Variants in ROBO1 observed in about 807,000 individuals in gnomAD.
The protein encoded by ROBO1 is roundabout homolog 1.
ROBO1 carries 149 observed loss-of-function variants against 195.9 expected under a neutral mutation model. The ratio of observed to expected loss-of-function variants is 0.76; its 90% confidence interval spans 0.67 to 0.87. The LOEUF (loss-of-function observed/expected upper bound fraction) is 0.87. Among genes scored for constraint, ROBO1 ranks in the 40% least tolerant of loss-of-function variants. ROBO1 has a pLI of 0.00. For missense variants in ROBO1, 1,933 were observed against 2,068.3 expected (o/e 0.93, Z 1.27); for synonymous variants, 816 against 733.2 (o/e 1.11, Z -1.82).
chr3:78,723,240 G>T (rs1242375635), intron 5 of ROBO1, among the ~76,000 whole-genome samples: 1 of 152,086 alleles, frequency 6.6e-6, no homozygotes, highest in Non-Finnish European at 1.5e-5. Context: ...CGTTGTGTTA[G>T]AATTGCCTAC....
intron 16 of ROBO1, 69 bp from the exon 17 acceptor site, chr3:78,659,876 T>C: frequency 8.2e-7 from 1 of 1,221,824 alleles, no homozygotes; most frequent in African/African-American, 1.6e-5. Flanking sequence ...GTAATTAATA[T>C]CAAACCCAAT....
chr3:79,710,040 A>G (rs1427172373), intron 1 of ROBO1, among the ~76,000 whole-genome samples: 1 of 152,140 alleles, frequency 6.6e-6, no homozygotes, highest in African/African-American at 2.4e-5. Context: ...TAGCACTCTG[A>G]ATGAAGAAAG....
intron 2 of ROBO1, among the ~76,000 whole-genome samples, chr3:79,357,826 G>A (rs891916038): frequency 3.9e-5 from 6 of 152,038 alleles, no homozygotes; most frequent in Non-Finnish European, 7.4e-5. Context: ...AGGTATTTCC[G>A]TACATATAAA....
intron 4 of ROBO1, among the ~76,000 whole-genome samples, chr3:78,806,278 C>G (rs1255631445): frequency 6.6e-6 from 1 of 152,094 alleles, no homozygotes; most frequent in African/African-American, 2.4e-5. Context: ...CTGGTCTGCT[C>G]TCTCTAATTT....
chr3:78,637,984 T>C (rs28398902), intron 22 of ROBO1, among the ~76,000 whole-genome samples: 3 of 134,378 alleles, frequency 2.2e-5, no homozygotes, highest in African/African-American at 9.1e-5. Flanking sequence ...GGTTTTTTTT[T>C]GGGGGGGGGA....
intron 4 of ROBO1, among the ~76,000 whole-genome samples, chr3:78,907,106 G>A (rs1363640972): frequency 6.6e-6 from 1 of 151,814 alleles, no homozygotes. Flanking sequence ...CTCAACATGT[G>A]GTAGATTTTT....
At position 78,635,965 on chromosome 3, in the gene ROBO1, C is replaced by G. The variant is rs890748704; in HGVS notation, c.3181G>C (p.Gly1061Arg). The part of the protein sequence containing the change: ...KTFNSPNLKD[G>R]RFVNPSGQPT... ...TGCCCTGATGGATTGACAAAACGCC[C>G]ATCCTTCAGATTTGGGCTATTGAAG... Residue 1061 changes from glycine to arginine, a missense_variant, in exon 23 of 31, where the codon GGG (glycine) becomes CGG (arginine). Around this residue, in one of 3 missense-constraint regions of ROBO1, gnomAD observed 1,737 missense variants for 1,882.5 expected, o/e 0.92. Transcript: ENST00000464233. 3.1e-6 allele frequency: 5 copies of G among 1,613,872 alleles called. No individual in the cohort carries two copies. Among genetic ancestry groups the G allele is most frequent in the Non-Finnish European group, 4.2e-6 (5 of 1,179,838 alleles).
intron 2 of ROBO1, among the ~76,000 whole-genome samples, chr3:79,135,631 T>C (rs914901604): frequency 1.3e-5 from 2 of 152,000 alleles, no homozygotes; most frequent in African/African-American, 2.4e-5. Context: ...TTAGCAATCA[T>C]TCAATCTTCT....
intron 2 of ROBO1, among the ~76,000 whole-genome samples, chr3:79,506,191 T>A (rs977490467): frequency 6.6e-6 from 1 of 152,030 alleles, no homozygotes; most frequent in African/African-American, 2.4e-5. Context: ...ATGAGAAATA[T>A]GCTTTACAAA....
chr3:78,689,949 T>C (rs1299955613), intron 8 of ROBO1, among the ~76,000 whole-genome samples: 2 of 150,534 alleles, frequency 1.3e-5, no homozygotes, highest in Non-Finnish European at 3.0e-5. Context: ...TTTCTTTGAC[T>C]TAATATTTCT....
At chr3:78,928,470 T>A (rs1327840698) in intron 4 of ROBO1, among the ~76,000 whole-genome samples, 1 of 152,024 alleles carries the variant, frequency 6.6e-6, no homozygotes, top group African/African-American at 2.4e-5. Context: ...AAAAGAAAAA[T>A]GTTAAGAAAT....
intron 1 of ROBO1, among the ~76,000 whole-genome samples, chr3:79,723,498 A>G (rs985746606): frequency 5.1e-4 from 78 of 152,214 alleles, no homozygotes; most frequent in African/African-American, 1.8e-3. Flanking sequence ...AGATAAATGT[A>G]TAGGTGAATA....
At chr3:79,137,041 C>A (rs1576721743) in intron 2 of ROBO1, among the ~76,000 whole-genome samples, 1 of 152,128 alleles carries the variant, frequency 6.6e-6, no homozygotes, top group Non-Finnish European at 1.5e-5. Flanking sequence ...CAATGTGTTA[C>A]AATCATCTCC....
chr3:79,309,283 G>A (rs1000764431), intron 2 of ROBO1, among the ~76,000 whole-genome samples: 1 of 152,196 alleles, frequency 6.6e-6, no homozygotes, highest in South Asian at 2.1e-4. Flanking sequence ...ACTAATCACT[G>A]TGAGGCTGGG....
At chr3:79,418,615 TA>T (rs1340366478) in intron 2 of ROBO1, among the ~76,000 whole-genome samples, 1 of 152,152 alleles carries the variant, frequency 6.6e-6, no homozygotes, top group African/African-American at 2.4e-5. Flanking sequence ...ACTGTTTATT[TA>T]AATTGGGCAC....
chr3:78,601,901 T>C (rs1703192382), intron 29 of ROBO1, among the ~76,000 whole-genome samples: 2 of 152,144 alleles, frequency 1.3e-5, no homozygotes, highest in Non-Finnish European at 2.9e-5. Flanking sequence ...GTCAATCTTC[T>C]GTGAGCTCTT....
At chr3:78,984,765 GT>G (rs578256679) in intron 3 of ROBO1, among the ~76,000 whole-genome samples, 68 of 152,276 alleles carry the variant, frequency 4.5e-4, no homozygotes, top group African/African-American at 1.6e-3. Flanking sequence ...GTAAAACAAA[GT>G]GATGGCATTA....
intron 2 of ROBO1, among the ~76,000 whole-genome samples, chr3:79,308,396 T>C (rs1438361436): frequency 6.6e-6 from 1 of 152,202 alleles, no homozygotes; most frequent in Non-Finnish European, 1.5e-5. Context: ...GTATACATTT[T>C]AGTCTATAAA....
chr3:79,524,524 A>G (rs982384579), intron 2 of ROBO1, among the ~76,000 whole-genome samples: 2 of 152,140 alleles, frequency 1.3e-5, no homozygotes, highest in African/African-American at 4.8e-5. Flanking sequence ...ATTCTTTTCT[A>G]TATTATACTT....
Sources: gnomAD v4.1 joint callset for allele counts (sites outside exome capture counted in the v4.1 genomes callset) on GRCh38, gnomAD v4.1.1 for gene constraint, gnomAD v4.1.1 regional missense constraint, MANE v1.5 for transcripts, NCBI Gene and HGNC (gene_info 2026-07-23, HGNC 2026-07-21) for gene names.